Variants in CNTNAP2 observed in about 807,000 individuals in gnomAD.
CNTNAP2 encodes contactin-associated protein-like 2.
In CNTNAP2, 98 loss-of-function variants were observed where a neutral mutation model predicts 155.2. The ratio of observed to expected loss-of-function variants is 0.63; its 90% CI spans 0.54 to 0.75. The LOEUF (loss-of-function observed/expected upper bound fraction) is 0.75, where lower values mean the gene tolerates loss of function less well. Ranked by LOEUF, CNTNAP2 falls within the 30% of genes least tolerant of loss-of-function variation. The pLI, the probability that CNTNAP2 is intolerant of heterozygous loss-of-function variation, is 0.00. For missense variants in CNTNAP2, 1,727 were observed against 1,688.1 expected (o/e 1.02, Z -0.40); for synonymous variants, 651 against 631.2 (o/e 1.03, Z -0.47).
intron 11 of CNTNAP2, among the ~76,000 whole-genome samples, chr7:147,523,248 G>A (rs544903442): frequency 8.1e-4 from 124 of 152,274 alleles, no homozygotes; most frequent in Non-Finnish European, 1.4e-3. Flanking sequence ...ATGGAGCCTC[G>A]TCATGGGGCT....
intron 14 of CNTNAP2, among the ~76,000 whole-genome samples, chr7:147,945,012 C>T (rs1800793502): frequency 6.6e-6 from 1 of 152,026 alleles, no homozygotes; most frequent in African/African-American, 2.4e-5. Context: ...TTGAAATACA[C>T]AGAAAAAAAT....
chr7:146,232,803 C>T (rs538705800), intron 1 of CNTNAP2, among the ~76,000 whole-genome samples: 4 of 151,862 alleles, frequency 2.6e-5, no homozygotes, highest in South Asian at 4.2e-4. Flanking sequence ...TGACATTTGA[C>T]GTTGACAAAA....
intron 1 of CNTNAP2, among the ~76,000 whole-genome samples, chr7:146,273,973 G>A (rs930057671): frequency 6.6e-6 from 1 of 152,030 alleles, no homozygotes; most frequent in Admixed American, 6.6e-5. Context: ...CTCCTTATGT[G>A]TAAGACCTTG....
At chr7:146,161,839 G>A (rs1456804631) in intron 1 of CNTNAP2, among the ~76,000 whole-genome samples, 1 of 152,068 alleles carries the variant, frequency 6.6e-6, no homozygotes, top group Non-Finnish European at 1.5e-5. Flanking sequence ...ACACAATAGA[G>A]CCCTCAGAAA....
chr7:146,737,449 G>A (rs1354072917), intron 1 of CNTNAP2, among the ~76,000 whole-genome samples: 1 of 151,974 alleles, frequency 6.6e-6, no homozygotes, highest in East Asian at 1.9e-4. Context: ...CTAGCCCCTG[G>A]TAACCAGCAT....
intron 1 of CNTNAP2, among the ~76,000 whole-genome samples, chr7:146,332,961 T>G (rs1463861301): frequency 7.1e-6 from 1 of 141,580 alleles, no homozygotes; most frequent in African/African-American, 2.9e-5. Context: ...TTTTTTTTTT[T>G]TTTGACAGGT....
At chr7:146,536,856 TA>T (rs1797877045) in intron 1 of CNTNAP2, among the ~76,000 whole-genome samples, 1 of 152,118 alleles carries the variant, frequency 6.6e-6, no homozygotes, top group African/African-American at 2.4e-5. Flanking sequence ...GAATCATCAA[TA>T]TTTTTAATTT....
At chr7:147,059,920 A>G (rs1799630621) in intron 4 of CNTNAP2, among the ~76,000 whole-genome samples, 1 of 152,090 alleles carries the variant, frequency 6.6e-6, no homozygotes, top group African/African-American at 2.4e-5. Context: ...AATTACTATC[A>G]TTACTACTAT....
chr7:147,315,173 G>A (rs1795203040), intron 9 of CNTNAP2, among the ~76,000 whole-genome samples: 1 of 148,452 alleles, frequency 6.7e-6, no homozygotes, highest in Non-Finnish European at 1.5e-5. Context: ...CAGTAGGTAT[G>A]AGGTTGGGCC....
chr7:146,506,543 A>C (rs1443067424), intron 1 of CNTNAP2, among the ~76,000 whole-genome samples: 1 of 152,220 alleles, frequency 6.6e-6, no homozygotes, highest in East Asian at 1.9e-4. Context: ...TGCCCAGGGC[A>C]GTGAAAGGCA....
intron 6 of CNTNAP2, among the ~76,000 whole-genome samples, chr7:147,125,906 G>A (rs1467451853): frequency 6.6e-6 from 1 of 152,162 alleles, no homozygotes; most frequent in Non-Finnish European, 1.5e-5. Context: ...GGAGGCAAAT[G>A]GCTGCTCCAC....
At chr7:148,334,198 T>C (rs1273372857) in intron 21 of CNTNAP2, among the ~76,000 whole-genome samples, 1 of 152,156 alleles carries the variant, frequency 6.6e-6, no homozygotes, top group Non-Finnish European at 1.5e-5. Flanking sequence ...GACCTGGAAT[T>C]CAGGCATGTC....
At chr7:147,853,691 A>G (rs1156555288) in intron 13 of CNTNAP2, among the ~76,000 whole-genome samples, 1 of 152,212 alleles carries the variant, frequency 6.6e-6, no homozygotes, top group Non-Finnish European at 1.5e-5. Context: ...TTGCCATAAA[A>G]TTTAACAGGC....
At chr7:147,742,443 T>C (rs184813039) in intron 13 of CNTNAP2, among the ~76,000 whole-genome samples, 3 of 152,348 alleles carry the variant, frequency 2.0e-5, no homozygotes, top group Non-Finnish European at 4.4e-5. Flanking sequence ...TTTCTCTCCC[T>C]TGTTCCTTTG....
chr7:146,449,377 G>C (rs567855526), intron 1 of CNTNAP2, among the ~76,000 whole-genome samples: 6 of 151,796 alleles, frequency 4.0e-5, no homozygotes, highest in Non-Finnish European at 8.8e-5. Flanking sequence ...GTGCATGTTG[G>C]TATTTCTGGG....
chr7:148,071,341 A>T (rs1014802634), intron 15 of CNTNAP2, among the ~76,000 whole-genome samples: 2 of 152,162 alleles, frequency 1.3e-5, no homozygotes, highest in Admixed American at 1.3e-4. Context: ...ATTGCTGGGC[A>T]TAGCAGCAGG....
intron 13 of CNTNAP2, among the ~76,000 whole-genome samples, chr7:147,686,691 GT>G (rs1469831990): frequency 6.6e-6 from 1 of 151,972 alleles, no homozygotes; most frequent in Non-Finnish European, 1.5e-5. Context: ...AATCAGAAGA[GT>G]TTAGGCTGTC....
At chr7:146,983,982 A>G (rs186390066) in intron 3 of CNTNAP2, among the ~76,000 whole-genome samples, 1 of 152,308 alleles carries the variant, frequency 6.6e-6, no homozygotes, top group African/African-American at 2.4e-5. Flanking sequence ...TATATGAGCA[A>G]TTAGAAACAT....
intron 3 of CNTNAP2, among the ~76,000 whole-genome samples, chr7:146,905,566 A>C (rs28583144): frequency 6.6e-6 from 1 of 152,008 alleles, no homozygotes; most frequent in African/African-American, 2.4e-5. Context: ...AAATATTTTG[A>C]TCTTCCACAG....
Sources: allele counts gnomAD v4.1 joint callset (sites outside exome capture counted in the v4.1 genomes callset), GRCh38; gene constraint gnomAD v4.1.1; transcripts MANE v1.5; gene names NCBI Gene and HGNC (gene_info 2026-07-23, HGNC 2026-07-21).